Variants in L3MBTL4 observed in about 807,000 individuals in gnomAD.
L3MBTL4 encodes L3MBTL histone methyl-lysine binding protein 4.
Under a neutral mutation model 84.5 loss-of-function variants are expected in L3MBTL4, and 70 were observed. That is an observed-to-expected ratio of 0.83 (90% CI 0.68 to 1.01). L3MBTL4 has a LOEUF of 1.01. Ranked by LOEUF, L3MBTL4 falls within the 50% of genes least tolerant of loss-of-function variation. The pLI, the probability that L3MBTL4 is intolerant of heterozygous loss-of-function variation, is 0.00. For missense variants in L3MBTL4, 715 were observed against 754.8 expected, an observed-to-expected ratio of 0.95 and a Z score of 0.62; for synonymous variants, 274 against 259.8, an observed-to-expected ratio of 1.05 and a Z score of -0.52.
intron 1 of L3MBTL4, among the ~76,000 whole-genome samples, chr18:6,340,168 G>A (rs1228357095): frequency 6.6e-6 from 1 of 152,028 alleles, no homozygotes; most frequent in Non-Finnish European, 1.5e-5. Flanking sequence ...TAAAAAGAGG[G>A]AGGGATGTAA....
At chr18:6,049,119 T>G (rs1353148041) in intron 16 of L3MBTL4, among the ~76,000 whole-genome samples, 2 of 151,642 alleles carry the variant, frequency 1.3e-5, no homozygotes, top group African/African-American at 4.9e-5. Context: ...GACCCCGTTC[T>G]CCAAACAAAA....
At chr18:6,109,472 G>A (rs1343634796) in intron 14 of L3MBTL4, among the ~76,000 whole-genome samples, 1 of 152,102 alleles carries the variant, frequency 6.6e-6, no homozygotes, top group African/African-American at 2.4e-5. Flanking sequence ...AGCTGTCCAG[G>A]ACGTCCCTGC....
intron 16 of L3MBTL4, among the ~76,000 whole-genome samples, chr18:6,039,788 C>A (rs1321831763): frequency 3.9e-5 from 6 of 152,130 alleles, no homozygotes; most frequent in Non-Finnish European, 1.5e-5. Context: ...GCCTGGCTAA[C>A]CAATGACTTT....
At chr18:6,276,974 A>C (rs749990965) in intron 4 of L3MBTL4, among the ~76,000 whole-genome samples, 2 of 151,986 alleles carry the variant, frequency 1.3e-5, no homozygotes, top group Non-Finnish European at 2.9e-5. Context: ...AAAATAACAA[A>C]ATTTTCAGAT....
intron 1 of L3MBTL4, chr18:6,396,592 T>A (rs564263636): frequency 6.6e-6 from 1 of 152,380 alleles, no homozygotes; most frequent in African/African-American, 2.4e-5. Context: ...ACCACCCCTG[T>A]GACTTAGACA....
chr18:6,345,998 A>G (rs2052882583), intron 1 of L3MBTL4, among the ~76,000 whole-genome samples: 1 of 151,430 alleles, frequency 6.6e-6, no homozygotes, highest in South Asian at 2.1e-4. Context: ...AACAGAATGG[A>G]GCGCCAAGAA....
At chr18:5,997,836 A>G (rs910176817) in intron 16 of L3MBTL4, among the ~76,000 whole-genome samples, 1 of 152,054 alleles carries the variant, frequency 6.6e-6, no homozygotes, top group Non-Finnish European at 1.5e-5. Flanking sequence ...TGAGTTCACA[A>G]GTATAATGGT....
intron 12 of L3MBTL4, among the ~76,000 whole-genome samples, chr18:6,183,740 G>A (rs1239034846): frequency 6.6e-6 from 1 of 152,164 alleles, no homozygotes; most frequent in Non-Finnish European, 1.5e-5. Context: ...GAGTAAAAGG[G>A]AACACTATTA....
intron 3 of L3MBTL4, 100 bp downstream of exon 3, chr18:6,311,454 G>T: frequency 2.1e-6 from 2 of 937,134 alleles, no homozygotes; most frequent in South Asian, 2.9e-5. Flanking sequence ...TCAAGTGACT[G>T]AAAAGCCCCT....
chr18:6,222,897 T>C (rs1046840477), intron 10 of L3MBTL4, among the ~76,000 whole-genome samples: 1 of 150,588 alleles, frequency 6.6e-6, no homozygotes, highest in African/African-American at 2.4e-5. Context: ...AAAAAGTTAA[T>C]GGCTAAGGTT....
intron 16 of L3MBTL4, among the ~76,000 whole-genome samples, chr18:6,059,942 A>G (rs890539941): frequency 5.3e-5 from 8 of 152,328 alleles, no homozygotes; most frequent in African/African-American, 1.7e-4. Flanking sequence ...TGAGAAACTG[A>G]CTACATTCTA....
intron 6 of L3MBTL4, among the ~76,000 whole-genome samples, 185 bp from the exon 7 acceptor site, chr18:6,243,614 A>G (rs1209165634): frequency 6.6e-6 from 1 of 152,222 alleles, no homozygotes; most frequent in African/African-American, 2.4e-5. Flanking sequence ...ATGAAATTAG[A>G]CCCTGTCTTA....
At chr18:6,245,231 A>G (rs1043512544) in intron 5 of L3MBTL4, among the ~76,000 whole-genome samples, 9 of 152,226 alleles carry the variant, frequency 5.9e-5, no homozygotes, top group African/African-American at 2.2e-4. Flanking sequence ...TGTATAGTTT[A>G]GAAGCTCAGT....
At chr18:6,038,805 A>T (rs2056269030) in intron 16 of L3MBTL4, among the ~76,000 whole-genome samples, 1 of 152,130 alleles carries the variant, frequency 6.6e-6, no homozygotes, top group South Asian at 2.1e-4. Context: ...GCATGTTATC[A>T]TTAATTAGGT....
intron 14 of L3MBTL4, among the ~76,000 whole-genome samples, chr18:6,130,983 A>T (rs1364365981): frequency 6.6e-6 from 1 of 152,202 alleles, no homozygotes; most frequent in Non-Finnish European, 1.5e-5. Context: ...ACTAAAATAA[A>T]CTTGTCTGAC....
chr18:6,269,307 A>C (rs111985273), intron 4 of L3MBTL4, among the ~76,000 whole-genome samples: 177 of 152,192 alleles, frequency 1.2e-3, no homozygotes, highest in African/African-American at 3.9e-3. Flanking sequence ...AATACAAAAA[A>C]TTAGCCAGGA....
intron 12 of L3MBTL4, among the ~76,000 whole-genome samples, chr18:6,174,195 A>C (rs2044114451): frequency 6.6e-6 from 1 of 152,136 alleles, no homozygotes; most frequent in South Asian, 2.1e-4. Flanking sequence ...ATTACATATA[A>C]CATACAAAAG....
rs150323247 is a variant in L3MBTL4, at chr18:6,164,508, C to T, written c.1096+7320G>A. Among the ~76,000 whole-genome samples the T allele has an allele frequency of 2.3e-3, 349 of 152,332 alleles. 2 individuals carry two copies. The highest frequency in any genetic ancestry group is 8.0e-3 in the African/African-American group (334 of 41,576). On this transcript the variant is annotated intron_variant, in intron 13 of 18. Transcript: ENST00000317931. Reference sequence around the variant, plus strand: ...TTCCAGAGGAACGATCAGGCAGCAGCATTTGCAGTTCACCAATGTACGCTG... The same window carrying T: ...TTCCAGAGGAACGATCAGGCAGCAGTATTTGCAGTTCACCAATGTACGCTG...
intron 13 of L3MBTL4, among the ~76,000 whole-genome samples, chr18:6,142,784 T>A (rs934503547): frequency 6.6e-6 from 1 of 152,104 alleles, no homozygotes; most frequent in Non-Finnish European, 1.5e-5. Context: ...TATTTGGGCA[T>A]GGTGGCATGT....
Sources: gnomAD v4.1 joint callset for allele counts (sites outside exome capture counted in the v4.1 genomes callset) on GRCh38, gnomAD v4.1.1 for gene constraint, MANE v1.5 for transcripts, NCBI Gene and HGNC (gene_info 2026-07-23, HGNC 2026-07-21) for gene names.